ULK4: variants seen among roughly 807,000 people sequenced by gnomAD.
ULK4 encodes the protein inactive serine/threonine-protein kinase ULK4.
A neutral mutation model predicts 160.6 loss-of-function variants in ULK4; 133 were observed. The observed-to-expected ratio is 0.83, with a 90% confidence interval of 0.72 to 0.96. The LOEUF is 0.96. ULK4 is among the 40% of genes least tolerant of loss of function. ULK4 has a pLI of 0.00. For synonymous variants in ULK4, 534 were observed against 539.8 expected (o/e 0.99, Z 0.15); for missense variants, 1,580 against 1,499.5 (o/e 1.05, Z -0.89).
chr3:41,808,290 T>C (rs1265295025), intron 19 of ULK4, among the ~76,000 whole-genome samples: 1 of 152,212 alleles, frequency 6.6e-6, no homozygotes, highest in Non-Finnish European at 1.5e-5. Context: ...CTCAAATACA[T>C]GTGCTTTACA....
At chr3:41,364,951 T>C (rs940298314) in intron 35 of ULK4, among the ~76,000 whole-genome samples, 4 of 152,214 alleles carry the variant, frequency 2.6e-5, no homozygotes, top group African/African-American at 9.6e-5. Flanking sequence ...ATACTGATTC[T>C]GCAGGCAAGG....
intron 21 of ULK4, among the ~76,000 whole-genome samples, chr3:41,785,097 AC>A (rs2039962016): frequency 6.6e-6 from 1 of 152,202 alleles, no homozygotes; most frequent in South Asian, 2.1e-4. Flanking sequence ...TGTGTATAAC[AC>A]TTGAGTAATC....
At chr3:41,326,140 G>C (rs576002765) in intron 35 of ULK4, among the ~76,000 whole-genome samples, 62 of 152,238 alleles carry the variant, frequency 4.1e-4, no homozygotes, top group Admixed American at 3.1e-3. Flanking sequence ...ATGGGCAGGG[G>C]GGGGCTCCCC....
chr3:41,818,537 T>C (rs1025471684), intron 19 of ULK4, among the ~76,000 whole-genome samples: 5 of 152,182 alleles, frequency 3.3e-5, no homozygotes, highest in Non-Finnish European at 5.9e-5. Flanking sequence ...CAAAGTACAA[T>C]TGATAATATA....
chr3:41,536,449 C>A (rs2086502660), intron 32 of ULK4, among the ~76,000 whole-genome samples: 1 of 152,152 alleles, frequency 6.6e-6, no homozygotes, highest in Admixed American at 6.6e-5. Flanking sequence ...CTGCCCTCCA[C>A]ACCCCCCAGT....
intron 35 of ULK4, among the ~76,000 whole-genome samples, chr3:41,279,255 T>TAAAAAAACAA (rs2079296934): frequency 2.3e-5 from 1 of 43,074 alleles, no homozygotes; most frequent in African/African-American, 1.2e-4. Flanking sequence ...AAAAAAAGAG[T>TAAAAAAACAA]AAAAAAAAAA....
intron 19 of ULK4, among the ~76,000 whole-genome samples, chr3:41,817,838 C>T (rs2041021438): frequency 6.6e-6 from 1 of 151,926 alleles, no homozygotes; most frequent in Non-Finnish European, 1.5e-5. Context: ...AACCAAATAA[C>T]CCAATTTGAA....
chr3:41,313,118 A>C (rs1055617631), intron 35 of ULK4, among the ~76,000 whole-genome samples: 1 of 152,236 alleles, frequency 6.6e-6, no homozygotes, highest in Non-Finnish European at 1.5e-5. Context: ...CTCCAGTGAA[A>C]AAGAGAAAAG....
chr3:41,887,399 G>C (rs947698115), intron 16 of ULK4, among the ~76,000 whole-genome samples: 1 of 152,112 alleles, frequency 6.6e-6, no homozygotes, highest in African/African-American at 2.4e-5. Context: ...CTTTATATTG[G>C]ACCACAAAGA....
chr3:41,383,482 A>G (rs1202074916), intron 35 of ULK4, among the ~76,000 whole-genome samples: 2 of 152,184 alleles, frequency 1.3e-5, no homozygotes, highest in African/African-American at 4.8e-5. Flanking sequence ...TGTTAAGAGC[A>G]TGACACTAAA....
chr3:41,378,526 G>C (rs571546056), intron 35 of ULK4, among the ~76,000 whole-genome samples: 1 of 149,422 alleles, frequency 6.7e-6, no homozygotes, highest in South Asian at 2.1e-4. Flanking sequence ...GCAAACTATC[G>C]CAAGGACAAA....
At chr3:41,910,817 G>C (rs957501330) in intron 11 of ULK4, among the ~76,000 whole-genome samples, 7 of 151,946 alleles carry the variant, frequency 4.6e-5, no homozygotes, top group African/African-American at 7.3e-5. Flanking sequence ...AAAAAAATTA[G>C]CCAGGCATGG....
chr3:41,724,490 C>T (rs550267819), intron 22 of ULK4, among the ~76,000 whole-genome samples: 85 of 152,034 alleles, frequency 5.6e-4, no homozygotes, highest in African/African-American at 2.0e-3. Flanking sequence ...TTTGGGAGGC[C>T]GAGGCGGGTG....
chr3:41,860,346 T>C (rs2042471911), intron 17 of ULK4, among the ~76,000 whole-genome samples: 5 of 152,186 alleles, frequency 3.3e-5, no homozygotes, highest in African/African-American at 1.2e-4. Context: ...GCCATTATTG[T>C]ATCAAGGCCT....
chr3:41,714,852 T>TAAAAAAAAA (rs60470015), intron 25 of ULK4, among the ~76,000 whole-genome samples: 23 of 131,326 alleles, frequency 1.8e-4, no homozygotes, highest in African/African-American at 4.0e-4. Context: ...ACTCTGTCTT[T>TAAAAAAAAA]AAAAAAAAAA....
At chr3:41,509,314 A>T (rs1357088092) in intron 32 of ULK4, among the ~76,000 whole-genome samples, 2 of 152,174 alleles carry the variant, frequency 1.3e-5, no homozygotes, top group Non-Finnish European at 1.5e-5. Flanking sequence ...GCCTCCAAGA[A>T]GTTTGGGACT....
At chr3:41,570,919 C>G (rs946140654) in intron 31 of ULK4, among the ~76,000 whole-genome samples, 1 of 152,180 alleles carries the variant, frequency 6.6e-6, no homozygotes, top group African/African-American at 2.4e-5. Context: ...CTAAGGTACA[C>G]TCTGATTATC....
chr3:41,891,428 A>G (rs1697959706), intron 16 of ULK4, among the ~76,000 whole-genome samples: 1 of 151,350 alleles, frequency 6.6e-6, no homozygotes, highest in Non-Finnish European at 1.5e-5. Flanking sequence ...AATCTAGTAA[A>G]ATTTACAGGC....
At chr3:41,539,687 T>C (rs1482842422) in intron 32 of ULK4, among the ~76,000 whole-genome samples, 2 of 152,164 alleles carry the variant, frequency 1.3e-5, no homozygotes, top group African/African-American at 2.4e-5. Flanking sequence ...ACCTATAGTA[T>C]TTCAGAACTC....
Sources: allele counts gnomAD v4.1 joint callset (sites outside exome capture counted in the v4.1 genomes callset), GRCh38; gene constraint gnomAD v4.1.1; transcripts MANE v1.5; gene names NCBI Gene and HGNC (gene_info 2026-07-23, HGNC 2026-07-21).